The following RAB3C variants were observed in gnomAD, a reference collection of about 807,000 sequenced individuals.
The protein encoded by RAB3C is RAB3C, member RAS oncogene family, also known as ras-related protein Rab-3C.
Under a neutral mutation model 26.4 loss-of-function variants are expected in RAB3C, and 17 were observed. That is an observed-to-expected ratio of 0.64 (90% CI 0.44 to 0.97). The LOEUF is 0.97. Among genes scored for constraint, RAB3C ranks in the 50% least tolerant of loss-of-function variants. The probability of loss-of-function intolerance (pLI) is 0.00; values close to 1 mark genes in which losing one functional copy is unlikely to be tolerated. For missense variants in RAB3C, 242 were observed against 281.9 expected (o/e 0.86, Z 1.01); for synonymous variants, 91 against 95.9 (o/e 0.95, Z 0.30).
At chr5:58,838,118 C>T (rs1026973999) in intron 4 of RAB3C, among the ~76,000 whole-genome samples, 2 of 152,038 alleles carry the variant, frequency 1.3e-5, no homozygotes, top group Admixed American at 6.6e-5. Context: ...GGTGGGCTCA[C>T]GCCTGTAATC....
chr5:58,595,866 G>T (rs112683792), intron 1 of RAB3C, among the ~76,000 whole-genome samples: 1 of 152,090 alleles, frequency 6.6e-6, no homozygotes, highest in Non-Finnish European at 1.5e-5. Context: ...AGTTTTGAAC[G>T]ATTCTTTACA....
intron 3 of RAB3C, among the ~76,000 whole-genome samples, chr5:58,800,327 T>C (rs1742774820): frequency 6.6e-6 from 1 of 152,218 alleles, no homozygotes; most frequent in Non-Finnish European, 1.5e-5. Context: ...GCCAGATCTT[T>C]TTTTGGAAAG....
intron 4 of RAB3C, among the ~76,000 whole-genome samples, chr5:58,829,669 T>G (rs1204592742): frequency 6.6e-6 from 1 of 152,210 alleles, no homozygotes; most frequent in Non-Finnish European, 1.5e-5. Context: ...TATTTCTTCC[T>G]AAAACAAGTA....
At chr5:58,737,039 A>C (rs576024964) in intron 3 of RAB3C, among the ~76,000 whole-genome samples, 2 of 152,226 alleles carry the variant, frequency 1.3e-5, no homozygotes, top group Non-Finnish European at 2.9e-5. Context: ...CCATTACAAT[A>C]GCCTACCAGA....
chr5:58,747,786 T>G (rs1318843567), intron 3 of RAB3C, among the ~76,000 whole-genome samples: 2 of 151,704 alleles, frequency 1.3e-5, no homozygotes, highest in Non-Finnish European at 2.9e-5. Flanking sequence ...AGTCAATATT[T>G]ATTTTCCATA....
chr5:58,786,829 G>A (rs1742397026), intron 3 of RAB3C, among the ~76,000 whole-genome samples: 1 of 151,222 alleles, frequency 6.6e-6, no homozygotes, highest in Admixed American at 6.6e-5. Context: ...TCTTTTATAC[G>A]CCCCCTCACC....
At chr5:58,679,260 C>T (rs918974484) in intron 2 of RAB3C, among the ~76,000 whole-genome samples, 15 of 152,032 alleles carry the variant, frequency 9.9e-5, no homozygotes, top group African/African-American at 3.6e-4. Context: ...GGACTTGGCT[C>T]ATTTTTTTTT....
chr5:58,736,846 C>T (rs1741147516), intron 3 of RAB3C, among the ~76,000 whole-genome samples: 2 of 152,164 alleles, frequency 1.3e-5, no homozygotes, highest in African/African-American at 4.8e-5. Context: ...GGTTATGCCA[C>T]CATCATCTCA....
At chr5:58,680,178 T>TA (rs1005646434) in intron 2 of RAB3C, among the ~76,000 whole-genome samples, 5 of 151,974 alleles carry the variant, frequency 3.3e-5, no homozygotes, top group African/African-American at 2.4e-5. Flanking sequence ...GTTTCCCTTT[T>TA]AAAAAAAATG....
At chr5:58,630,682 C>T (rs1285375815) in intron 2 of RAB3C, among the ~76,000 whole-genome samples, 1 of 152,136 alleles carries the variant, frequency 6.6e-6, no homozygotes, top group Admixed American at 6.5e-5. Context: ...ATGAGAAAGG[C>T]AAATAAAAAC....
chr5:58,771,344 T>C (rs1234413330), intron 3 of RAB3C, among the ~76,000 whole-genome samples: 1 of 152,136 alleles, frequency 6.6e-6, no homozygotes, highest in Non-Finnish European at 1.5e-5. Flanking sequence ...AATAAGTATT[T>C]AGCTAAATAC....
At chr5:58,613,901 G>A (rs567988731) in intron 1 of RAB3C, among the ~76,000 whole-genome samples, 14 of 152,098 alleles carry the variant, frequency 9.2e-5, no homozygotes, top group Middle Eastern at 3.4e-3. Flanking sequence ...TATGGAGCCC[G>A]AGGGGTTCCT....
intron 1 of RAB3C, among the ~76,000 whole-genome samples, chr5:58,612,534 A>ATATATATATATGTG (rs1746733917): frequency 9.7e-6 from 1 of 102,774 alleles, no homozygotes; most frequent in East Asian, 2.7e-4. Flanking sequence ...ATATATATAT[A>ATATATATATATGTG]TATATATATA....
intron 4 of RAB3C, among the ~76,000 whole-genome samples, chr5:58,841,945 C>G (rs911042751): frequency 6.6e-6 from 1 of 152,106 alleles, no homozygotes; most frequent in Non-Finnish European, 1.5e-5. Flanking sequence ...TCCTATTGAG[C>G]TCTCACTATG....
rs148366687 is a variant in RAB3C at position 58,700,790 on chromosome 5, G to A, written c.253-25212G>A. ...GTCTGTTCCAGTTGGCTAGGAAATC[G>A]ACTCGAGGTCTTGAACCATTTCACA... On this transcript the variant is annotated intron_variant, in intron 2 of 4. Coordinates refer to ENST00000282878, the MANE Select transcript of RAB3C (RefSeq NM_138453.4). Among the ~76,000 whole-genome samples the A allele has an allele frequency of 2.6e-5, 4 of 152,092 alleles. No homozygotes were observed. In the East Asian group the frequency reaches 5.8e-4, roughly 22 times the overall value.
chr5:58,715,405 A>T (rs1018020324), intron 2 of RAB3C, among the ~76,000 whole-genome samples: 1 of 152,062 alleles, frequency 6.6e-6, no homozygotes, highest in African/African-American at 2.4e-5. Context: ...TTAAGGAAAG[A>T]TAATTTCTTG....
intron 2 of RAB3C, among the ~76,000 whole-genome samples, chr5:58,701,558 C>T (rs1056638226): frequency 2.0e-5 from 3 of 152,118 alleles, no homozygotes; most frequent in Non-Finnish European, 4.4e-5. Context: ...AATTTAGTGG[C>T]TTGAAACCAC....
At chr5:58,614,543 T>C (rs2111715933) in intron 1 of RAB3C, among the ~76,000 whole-genome samples, 1 of 152,190 alleles carries the variant, frequency 6.6e-6, no homozygotes, top group East Asian at 1.9e-4. Flanking sequence ...TAATTAATTC[T>C]TTAGAGGCTC....
At chr5:58,776,284 G>T (rs148761540) in intron 3 of RAB3C, among the ~76,000 whole-genome samples, 33 of 151,804 alleles carry the variant, frequency 2.2e-4, no homozygotes, top group African/African-American at 7.2e-4. Context: ...TTCCCTCCCC[G>T]CTACCCCCAC....
Sources: allele counts gnomAD v4.1 joint callset (sites outside exome capture counted in the v4.1 genomes callset), GRCh38; gene constraint gnomAD v4.1.1; transcripts MANE v1.5; gene names NCBI Gene and HGNC (gene_info 2026-07-23, HGNC 2026-07-21).